Variants in ILKAP observed in about 807,000 individuals in gnomAD.
The protein encoded by ILKAP is integrin-linked kinase-associated serine/threonine phosphatase 2C.
A neutral mutation model predicts 49.1 loss-of-function variants in ILKAP; 11 were observed. That is an observed-to-expected ratio of 0.22 (90% CI 0.14 to 0.37). The LOEUF is 0.37. Ranked by LOEUF, ILKAP falls within the 10% of genes least tolerant of loss-of-function variation. The pLI is 1.00. For synonymous variants in ILKAP, 186 were observed against 192.8 expected, an observed-to-expected ratio of 0.96 and a Z score of 0.29; for missense variants, 363 against 510.8, an observed-to-expected ratio of 0.71 and a Z score of 2.79.
intron 9 of ILKAP, among the ~76,000 whole-genome samples, chr2:238,174,623 T>C (rs1326423789): frequency 6.6e-6 from 1 of 152,212 alleles, no homozygotes; most frequent in Non-Finnish European, 1.5e-5. Context: ...AGCCTGGCCC[T>C]TCTCTGGGCC....
chr2:238,184,379 A>G (rs946592663), intron 6 of ILKAP, among the ~76,000 whole-genome samples: 24 of 152,044 alleles, frequency 1.6e-4, no homozygotes, highest in African/African-American at 5.8e-4. Context: ...TAGTAGAGAC[A>G]GGGTTTCACC....
At chr2:238,182,642 C>T (rs1236860685) in intron 8 of ILKAP, among the ~76,000 whole-genome samples, 1 of 152,254 alleles carries the variant, frequency 6.6e-6, no homozygotes, top group Non-Finnish European at 1.5e-5. Context: ...TGTTCTCGCC[C>T]CTGCCAGGTT....
chr2:238,170,970 G>A lies in ILKAP; in HGVS notation c.1011C>T (p.Ala337=), dbSNP rs377234466. Residue 337 remains alanine, a synonymous_variant, in exon 11 of 12, where the codon GCC becomes GCT. Transcript: ENST00000254654. The stretch of plus-strand genomic sequence containing the variant: ...CGAGACAGGACAAGATGAAGTTCAC[G>A]GCTTCTTCTGGGGTAAAGACCTTGA... ...GLFKVFTPEE[A]VNFILSCLED... is the part of the protein sequence containing the mutation. The A allele has an allele frequency of 4.0e-5, 65 of 1,613,856 alleles. No homozygotes were observed. Among genetic ancestry groups the A allele is most frequent in the Middle Eastern group, 1.7e-4 (1 of 6,060 alleles).
intron 8 of ILKAP, 117 bp from the exon 9 acceptor site, chr2:238,182,303 C>G (rs1574788983): frequency 8.3e-7 from 1 of 1,198,004 alleles, no homozygotes; most frequent in East Asian, 2.5e-5. Context: ...AATGGAGTTT[C>G]ACATTCAGCC....
At chr2:238,190,048 T>A (rs1002141435) in intron 3 of ILKAP, 76 bp from the exon 4 acceptor site, 22 of 1,491,206 alleles carry the variant, frequency 1.5e-5, no homozygotes, top group Non-Finnish European at 1.8e-5. Flanking sequence ...CTGGGCTTCA[T>A]CCTAGCACTC....
intron 1 of ILKAP, among the ~76,000 whole-genome samples, chr2:238,201,432 CA>C (rs1369271130): frequency 6.6e-6 from 1 of 152,194 alleles, no homozygotes; most frequent in Non-Finnish European, 1.5e-5. Context: ...GACCTGTTGA[CA>C]ATGTCAGTGC....
chr2:238,188,354 A>C, intron 4 of ILKAP, 97 bp from the exon 5 acceptor site: 1 of 1,416,724 alleles, frequency 7.1e-7, no homozygotes, highest in Non-Finnish European at 9.5e-7. Flanking sequence ...TGACTGTCTG[A>C]CTCAGCAATA....
rs114383939 is a variant in ILKAP at position 238,182,535 on chromosome 2, G to C, written c.715-349C>G. ...TTTTGGCCTGGAGTCTAGAAGGCCA[G>C]AGACATGTCCATGAGCCTATGGAAG... On this transcript the variant is annotated intron_variant, in intron 8 of 11. Transcript: ENST00000254654. Among the ~76,000 whole-genome samples, 1,188 of 152,338 alleles carry C rather than the reference G, an allele frequency of 7.8e-3. 6 individuals are homozygous for C. The highest frequency in any genetic ancestry group is 0.027 in the African/African-American group (1,116 of 41,572).
At chr2:238,183,962 G>C in intron 7 of ILKAP, 58 bp downstream of exon 7, 1 of 1,140,902 alleles carries the variant, frequency 8.8e-7, no homozygotes, top group Non-Finnish European at 1.3e-6. Flanking sequence ...AGACTGAAAT[G>C]CATTTAGGAA....
rs377403715 is a variant in ILKAP at position 238,182,349 on chromosome 2, G to T, written c.715-163C>A. Among the ~76,000 whole-genome samples the T allele has an allele frequency of 5.3e-5, 8 of 152,328 alleles. No individual in the cohort carries two copies. The East Asian group carries it at 5.8e-4, about 11-fold the overall frequency. On this transcript the variant is annotated intron_variant, in intron 8 of 11. Coordinates refer to ENST00000254654, the MANE Select transcript of ILKAP (RefSeq NM_030768.3). ...AAACGTAAGTTCAGAGAATCAAGCA[G>T]CAAAGAAGTGTCAAAGACACAACAG...
chr2:238,200,286 A>C (rs1398244000), intron 1 of ILKAP, among the ~76,000 whole-genome samples: 2 of 152,204 alleles, frequency 1.3e-5, no homozygotes, highest in Non-Finnish European at 1.5e-5. Context: ...TTGGATGAAA[A>C]CTACTAATTT....
chr2:238,188,034 T>C, intron 5 of ILKAP, 97 bp downstream of exon 5: 1 of 1,366,324 alleles, frequency 7.3e-7, no homozygotes, highest in Non-Finnish European at 1.0e-6. Context: ...AGTGATGTGT[T>C]AGATTTTCTA....
chr2:238,188,329 A>C, intron 4 of ILKAP, 72 bp from the exon 5 acceptor site: 1 of 1,540,538 alleles, frequency 6.5e-7, no homozygotes, highest in Non-Finnish European at 8.8e-7. Context: ...TCCCAGAGCA[A>C]ATGAGAGGGA....
intron 4 of ILKAP, 143 bp from the exon 5 acceptor site, chr2:238,188,400 A>C (rs561872208): frequency 1.1e-6 from 1 of 934,998 alleles, no homozygotes; most frequent in African/African-American, 1.7e-5. Context: ...ATACCCCTTA[A>C]GGCATCTCCC....
At chr2:238,198,290 GTGCAGTGGTGTGATCACAGCTCAC>G (rs1198043739) in intron 1 of ILKAP, among the ~76,000 whole-genome samples, 4 of 151,658 alleles carry the variant, frequency 2.6e-5, no homozygotes, top group Non-Finnish European at 4.4e-5. Context: ...CCAGGTTGGA[GTGCAGTGGTGTGATCACAGCTCAC>G]TGCAGCCCCA....
At chr2:238,177,792 A>G (rs1301037121) in intron 9 of ILKAP, among the ~76,000 whole-genome samples, 1 of 152,134 alleles carries the variant, frequency 6.6e-6, no homozygotes, top group Non-Finnish European at 1.5e-5. Context: ...AGGTATGCAA[A>G]TATCTGTTCG....
At position 238,203,684 on chromosome 2, in the gene ILKAP, T is replaced by C. The variant is rs990337017; in HGVS notation, c.-131A>G. On this transcript the variant is annotated 5_prime_UTR_variant, in exon 1 of 12. Coordinates refer to ENST00000254654, the MANE Select transcript of ILKAP (RefSeq NM_030768.3). Reference sequence around the variant, plus strand: ...GGGGCGGCCGGCGCCGTCAGTCACCTGCAGGGAGAGTCCCGGACGCCACCA... The same window carrying C: ...GGGGCGGCCGGCGCCGTCAGTCACCCGCAGGGAGAGTCCCGGACGCCACCA... 1.1e-5 allele frequency: 4 copies of C among 350,880 alleles called. No homozygotes were observed. The highest frequency in any genetic ancestry group is 6.7e-5 in the African/African-American group (3 of 44,982). 21.7% of individuals were successfully genotyped at this position (350,880 alleles called of 1,614,324 possible).
intron 9 of ILKAP, among the ~76,000 whole-genome samples, chr2:238,177,234 G>A: frequency 6.6e-6 from 1 of 152,200 alleles, no homozygotes; most frequent in East Asian, 1.9e-4. Context: ...GGACAGGGAT[G>A]AAAGCATGAC....
At chr2:238,191,502 A>G (rs1445764986) in intron 3 of ILKAP, among the ~76,000 whole-genome samples, 1 of 152,384 alleles carries the variant, frequency 6.6e-6, no homozygotes, top group East Asian at 1.9e-4. Context: ...GCATAAGGCA[A>G]CACAGATGTT....
Sources: allele counts gnomAD v4.1 joint callset (sites outside exome capture counted in the v4.1 genomes callset), GRCh38; gene constraint gnomAD v4.1.1; transcripts MANE v1.5; gene names NCBI Gene and HGNC (gene_info 2026-07-23, HGNC 2026-07-21).